The following DIP2C variants were observed in gnomAD, a reference collection of about 807,000 sequenced individuals.
DIP2C encodes DIP2 acetate--CoA ligase C (putative).
In DIP2C, 33 loss-of-function variants were observed where a neutral mutation model predicts 192.4. That is an observed-to-expected ratio of 0.17 (90% CI 0.13 to 0.23). The LOEUF (loss-of-function observed/expected upper bound fraction) is 0.23. DIP2C is among the 10% of genes least tolerant of loss of function. DIP2C has a pLI of 1.00. For missense variants in DIP2C, 1,537 were observed against 2,110.1 expected (o/e 0.73, Z 5.32); for synonymous variants, 979 against 864.1 (o/e 1.13, Z -2.33).
At chr10:395,340 T>G (rs894130806) in intron 10 of DIP2C, among the ~76,000 whole-genome samples, 1 of 152,218 alleles carries the variant, frequency 6.6e-6, no homozygotes, top group Non-Finnish European at 1.5e-5. Context: ...GTGACAGATA[T>G]GTTAATCAGT....
At chr10:574,590 T>C (rs1344332740) in intron 1 of DIP2C, among the ~76,000 whole-genome samples, 2 of 152,198 alleles carry the variant, frequency 1.3e-5, no homozygotes, top group Non-Finnish European at 2.9e-5. Context: ...ACATCTTTCT[T>C]CTTCATGGGA....
intron 17 of DIP2C, among the ~76,000 whole-genome samples, chr10:377,244 C>A (rs1961724456): frequency 6.6e-6 from 1 of 151,596 alleles, no homozygotes. Context: ...AACTCTTTCT[C>A]ATAAGCCTTG....
intron 1 of DIP2C, among the ~76,000 whole-genome samples, chr10:625,794 G>T (rs1854164114): frequency 6.6e-6 from 1 of 152,178 alleles, no homozygotes; most frequent in Non-Finnish European, 1.5e-5. Context: ...CAAAGGTAAA[G>T]AAGTAACCTG....
chr10:600,111 T>A (rs1172094473), intron 1 of DIP2C, among the ~76,000 whole-genome samples: 1 of 152,168 alleles, frequency 6.6e-6, no homozygotes, highest in African/African-American at 2.4e-5. Flanking sequence ...CATGTATTTA[T>A]GGGCACACAG....
intron 3 of DIP2C, 63 bp downstream of exon 3, chr10:472,376 C>G (rs1415165293): frequency 6.7e-7 from 1 of 1,495,636 alleles, no homozygotes; most frequent in African/African-American, 1.4e-5. Context: ...AGTGGCTGGG[C>G]ACAGGCACCG....
intron 1 of DIP2C, among the ~76,000 whole-genome samples, chr10:535,034 A>T (rs1369936887): frequency 6.6e-6 from 1 of 152,124 alleles, no homozygotes; most frequent in African/African-American, 2.4e-5. Flanking sequence ...AACAGACAAG[A>T]AGTCAGCCTG....
chr10:283,185 G>A (rs1428601090), intron 35 of DIP2C, 87 bp downstream of exon 35: 7 of 1,520,448 alleles, frequency 4.6e-6, no homozygotes, highest in East Asian at 2.3e-5. Flanking sequence ...TTTGGCTGCT[G>A]TAAACCTTGG....
At chr10:592,040 A>G (rs1366859977) in intron 1 of DIP2C, among the ~76,000 whole-genome samples, 1 of 152,250 alleles carries the variant, frequency 6.6e-6, no homozygotes, top group Non-Finnish European at 1.5e-5. Flanking sequence ...GTGGTAGGGC[A>G]TGAGGGAGAC....
chr10:670,216 ACG>A (rs1564328317), intron 1 of DIP2C, among the ~76,000 whole-genome samples: 1 of 152,060 alleles, frequency 6.6e-6, no homozygotes, highest in East Asian at 1.9e-4. Context: ...ATGCACACAT[ACG>A]CACACGCATG....
At chr10:616,395 AAATT>A (rs1305113806) in intron 1 of DIP2C, among the ~76,000 whole-genome samples, 15 of 152,248 alleles carry the variant, frequency 9.9e-5, no homozygotes, top group Admixed American at 9.8e-4. Flanking sequence ...AGTCAGACGC[AAATT>A]AATTTGCTTT....
intron 1 of DIP2C, chr10:630,698 G>C (rs1397560063): frequency 6.6e-6 from 1 of 152,312 alleles, no homozygotes; most frequent in Non-Finnish European, 1.5e-5. Flanking sequence ...GAATGTTCAG[G>C]AAACAGACCA....
At chr10:470,676 G>A (rs1429493575) in intron 3 of DIP2C, among the ~76,000 whole-genome samples, 4 of 152,170 alleles carry the variant, frequency 2.6e-5, no homozygotes, top group African/African-American at 9.7e-5. Flanking sequence ...GCAGCATCGT[G>A]GAGAGAGAGA....
intron 32 of DIP2C, among the ~76,000 whole-genome samples, chr10:304,559 AC>A (rs1956215148): frequency 7.1e-6 from 1 of 139,866 alleles, no homozygotes; most frequent in Non-Finnish European, 1.5e-5. Context: ...ACGAATGCAC[AC>A]ACACACACAC....
At chr10:405,462 G>A (rs1964735080) in intron 9 of DIP2C, among the ~76,000 whole-genome samples, 1 of 152,146 alleles carries the variant, frequency 6.6e-6, no homozygotes, top group Non-Finnish European at 1.5e-5. Context: ...ATAGAAAAGG[G>A]TAAAATACTT....
At chr10:349,101 T>G (rs1381538516) in intron 25 of DIP2C, among the ~76,000 whole-genome samples, 3 of 152,230 alleles carry the variant, frequency 2.0e-5, no homozygotes, top group Non-Finnish European at 4.4e-5. Flanking sequence ...GATATAAAAG[T>G]CATTGAAAGC....
At chr10:377,658 C>A (rs918016083) in intron 17 of DIP2C, among the ~76,000 whole-genome samples, 2 of 152,196 alleles carry the variant, frequency 1.3e-5, no homozygotes, top group Non-Finnish European at 2.9e-5. Flanking sequence ...TGGCTCAGGG[C>A]TGTGCTGACG....
At chr10:669,621 G>A (rs966848207) in intron 1 of DIP2C, 4 of 152,240 alleles carry the variant, frequency 2.6e-5, no homozygotes, top group African/African-American at 9.7e-5. Flanking sequence ...TTATGATGCA[G>A]GTAAGAGGCA....
chr10:684,942 G>A (rs1831256086), intron 1 of DIP2C, among the ~76,000 whole-genome samples: 1 of 151,566 alleles, frequency 6.6e-6, no homozygotes, highest in Non-Finnish European at 1.5e-5. Context: ...AGACCAGCCT[G>A]GCCAACATGG....
chr10:274,349 A>C lies in DIP2C; in HGVS notation c.*2976T>G, dbSNP rs1483169191. ...TATGATTATCTGTACTAAGTAATGC[A>C]ACAAATTATGTAAACAGAGTCAGAT... is the stretch of plus-strand genomic sequence containing the variant. On this transcript the variant is annotated 3_prime_UTR_variant, in exon 37 of 37. Transcript: ENST00000280886. 1 of 152,238 alleles carries C rather than the reference A, an allele frequency of 6.6e-6. No individual in the cohort carries two copies. The highest frequency in any genetic ancestry group is 2.4e-5 in the African/African-American group (1 of 41,466). The allele number at this position is 152,238 out of a possible 1,614,324, so 9.4% of individuals were successfully genotyped here. A position where few individuals can be genotyped will look rare whatever the true frequency, so the allele number is the denominator to read the frequency against.
Sources: gnomAD v4.1 joint callset for allele counts (sites outside exome capture counted in the v4.1 genomes callset) on GRCh38, gnomAD v4.1.1 for gene constraint, MANE v1.5 for transcripts, NCBI Gene and HGNC (gene_info 2026-07-23, HGNC 2026-07-21) for gene names.